GRM8: variants seen among roughly 807,000 people sequenced by gnomAD.
GRM8 encodes glutamate metabotropic receptor 8.
Under a neutral mutation model 87.2 loss-of-function variants are expected in GRM8, and 47 were observed. The observed-to-expected ratio is 0.54, with a 90% CI of 0.43 to 0.69. The LOEUF is 0.69. Ranked by LOEUF, GRM8 falls within the 30% of genes least tolerant of loss-of-function variation. The pLI, the probability that GRM8 is intolerant of heterozygous loss-of-function variation, is 0.00. For missense variants in GRM8, 1,019 were observed against 1,139.2 expected (o/e 0.89, Z 1.52); for synonymous variants, 396 against 404.5 (o/e 0.98, Z 0.25).
intron 3 of GRM8, among the ~76,000 whole-genome samples, chr7:127,074,774 ATC>A (rs1173149284): frequency 1.3e-5 from 2 of 152,294 alleles, no homozygotes; most frequent in East Asian, 3.9e-4. Context: ...GACTGATAAT[ATC>A]TCTTGCTGGC....
At chr7:127,178,032 G>A (rs1360613192) in intron 2 of GRM8, among the ~76,000 whole-genome samples, 1 of 152,186 alleles carries the variant, frequency 6.6e-6, no homozygotes, top group Non-Finnish European at 1.5e-5. Context: ...GAACTCAGGA[G>A]TTTAGTTATT....
At chr7:127,157,625 A>C (rs17870019) in intron 2 of GRM8, among the ~76,000 whole-genome samples, 1 of 152,188 alleles carries the variant, frequency 6.6e-6, no homozygotes, top group Non-Finnish European at 1.5e-5. Context: ...AACCACAGCC[A>C]ACCCATTTTA....
At chr7:127,027,703 G>T (rs2132272627) in intron 3 of GRM8, among the ~76,000 whole-genome samples, 1 of 152,318 alleles carries the variant, frequency 6.6e-6, no homozygotes, top group Non-Finnish European at 1.5e-5. Flanking sequence ...CTTTGCTGAA[G>T]TTGCTTATCA....
intron 3 of GRM8, among the ~76,000 whole-genome samples, chr7:126,907,484 T>C (rs1802838421): frequency 1.3e-5 from 2 of 151,850 alleles, no homozygotes. Flanking sequence ...AGTTGTGTAA[T>C]GTAGTTGAGA....
chr7:127,034,095 T>C (rs17865986), intron 3 of GRM8, among the ~76,000 whole-genome samples: 1,533 of 152,294 alleles, frequency 0.01, 29 homozygotes, highest in African/African-American at 0.035. Flanking sequence ...AACTACACAG[T>C]GATATCACTG....
intron 2 of GRM8, among the ~76,000 whole-genome samples, chr7:127,231,598 C>T (rs1238396036): frequency 6.6e-6 from 1 of 152,142 alleles, no homozygotes; most frequent in African/African-American, 2.4e-5. Flanking sequence ...TCATTTCTGA[C>T]ATTTGTATCA....
At chr7:127,046,743 A>G (rs1488681761) in intron 3 of GRM8, among the ~76,000 whole-genome samples, 1 of 152,162 alleles carries the variant, frequency 6.6e-6, no homozygotes, top group Non-Finnish European at 1.5e-5. Context: ...GTATGAACAA[A>G]TTTACTTTCT....
intron 6 of GRM8, among the ~76,000 whole-genome samples, chr7:126,795,171 G>A (rs1821814806): frequency 6.6e-6 from 1 of 152,038 alleles, no homozygotes; most frequent in Admixed American, 6.6e-5. Flanking sequence ...TCCTTTTTGA[G>A]TCAACTGGAC....
At chr7:127,174,694 A>G (rs773136232) in intron 2 of GRM8, among the ~76,000 whole-genome samples, 17 of 152,228 alleles carry the variant, frequency 1.1e-4, no homozygotes, top group Non-Finnish European at 2.1e-4. Context: ...CTTAGCACCA[A>G]AAGTTGAATT....
At chr7:127,223,855 A>G (rs1797131932) in intron 2 of GRM8, among the ~76,000 whole-genome samples, 1 of 152,112 alleles carries the variant, frequency 6.6e-6, no homozygotes, top group Non-Finnish European at 1.5e-5. Context: ...CAGCAAAGAA[A>G]CAGAAGATAG....
At chr7:126,710,331 A>G (rs1424809024) in intron 7 of GRM8, among the ~76,000 whole-genome samples, 1 of 152,200 alleles carries the variant, frequency 6.6e-6, no homozygotes. Flanking sequence ...CTTTTATGAA[A>G]GATTTCTCTG....
intron 9 of GRM8, among the ~76,000 whole-genome samples, chr7:126,499,639 T>C (rs1053192470): frequency 1.3e-5 from 2 of 151,924 alleles, no homozygotes; most frequent in Admixed American, 1.3e-4. Context: ...TGTGACAACA[T>C]GGATGAGCTG....
At chr7:126,452,557 G>GA (rs915639165) in intron 9 of GRM8, among the ~76,000 whole-genome samples, 71 of 141,744 alleles carry the variant, frequency 5.0e-4, no homozygotes, top group East Asian at 1.2e-3. Flanking sequence ...TTCCAAGAAG[G>GA]AAAAAAAAAA....
chr7:126,970,456 C>A (rs1197439099), intron 3 of GRM8, among the ~76,000 whole-genome samples: 1 of 152,138 alleles, frequency 6.6e-6, no homozygotes, highest in Admixed American at 6.5e-5. Context: ...ACCTCAGATT[C>A]TTTTTCTGCA....
intron 2 of GRM8, among the ~76,000 whole-genome samples, chr7:127,216,535 C>CAAAAAAAAAAAAA (rs796757040): frequency 8.6e-6 from 1 of 115,960 alleles, no homozygotes; most frequent in Non-Finnish European, 1.7e-5. Flanking sequence ...AAAAAAAAAA[C>CAAAAAAAAAAAAA]AAAAAAAAAA....
intron 8 of GRM8, among the ~76,000 whole-genome samples, chr7:126,579,126 A>C (rs1795376362): frequency 6.6e-6 from 1 of 152,222 alleles, no homozygotes; most frequent in South Asian, 2.1e-4. Context: ...AAGACACAAA[A>C]GTTAGAGAAA....
At chr7:126,982,469 C>A (rs1306216706) in intron 3 of GRM8, among the ~76,000 whole-genome samples, 1 of 152,162 alleles carries the variant, frequency 6.6e-6, no homozygotes, top group Non-Finnish European at 1.5e-5. Flanking sequence ...CAAATAAAGA[C>A]AATAATGAGG....
chr7:126,652,522 C>T (rs995307289), intron 7 of GRM8, among the ~76,000 whole-genome samples: 12 of 152,106 alleles, frequency 7.9e-5, no homozygotes, highest in African/African-American at 2.7e-4. Flanking sequence ...AAGAGGGTGA[C>T]AAAGAAATCA....
chr7:127,238,235 A>G (rs1234870758), intron 2 of GRM8, among the ~76,000 whole-genome samples: 1 of 152,034 alleles, frequency 6.6e-6, no homozygotes, highest in Non-Finnish European at 1.5e-5. Context: ...AGCCATTAGC[A>G]TGTTATATGA....
Sources: gnomAD v4.1 joint callset for allele counts (sites outside exome capture counted in the v4.1 genomes callset) on GRCh38, gnomAD v4.1.1 for gene constraint, MANE v1.5 for transcripts, NCBI Gene and HGNC (gene_info 2026-07-23, HGNC 2026-07-21) for gene names.